PKNOX1: variants seen among roughly 807,000 people sequenced by gnomAD.
The protein encoded by PKNOX1 is PBX/knotted 1 homeobox 1.
PKNOX1 carries 15 observed loss-of-function variants against 51.9 expected under a neutral mutation model. That is an observed-to-expected ratio of 0.29 (90% CI 0.19 to 0.45). The LOEUF is 0.45. Among genes scored for constraint, PKNOX1 ranks in the 20% least tolerant of loss-of-function variants. The pLI, the probability that PKNOX1 is intolerant of heterozygous loss-of-function variation, is 1.00. For synonymous variants in PKNOX1, 219 were observed against 211.1 expected, an observed-to-expected ratio of 1.04 and a Z score of -0.32; for missense variants, 462 against 547.5, an observed-to-expected ratio of 0.84 and a Z score of 1.56.
rs1979767518 is a variant in PKNOX1 at position 43,021,797 on chromosome 21, T to C, written c.849+366T>C. On this transcript the variant is annotated intron_variant, in intron 8 of 10. Transcript: ENST00000291547. This position sits in a 1 kb window ranked among gnomAD's most constrained non-coding sequence, Gnocchi z 4.6. ...TGTTGGATTAACAAGGAAGCTGAGA[T>C]GGGTTAGAGACATCGCAGGGCCGGG... Among the ~76,000 whole-genome samples the C allele has an allele frequency of 6.6e-6, 1 of 152,146 alleles. No homozygotes were observed. The highest frequency in any genetic ancestry group is 2.1e-4 in the South Asian group (1 of 4,818).
At chr21:42,983,741 A>T (rs1476127477) in intron 1 of PKNOX1, among the ~76,000 whole-genome samples, 1 of 152,136 alleles carries the variant, frequency 6.6e-6, no homozygotes, top group African/African-American at 2.4e-5. Flanking sequence ...ACTGTTTTAT[A>T]TTCCTTTTAA....
chr21:42,980,483 G>A (rs1037313300), intron 1 of PKNOX1, among the ~76,000 whole-genome samples: 3 of 152,200 alleles, frequency 2.0e-5, no homozygotes, highest in Non-Finnish European at 4.4e-5. Context: ...ATTGTTAAAA[G>A]TGTCTGAAAC....
intron 1 of PKNOX1, among the ~76,000 whole-genome samples, chr21:43,002,049 G>A (rs1388037986): frequency 6.6e-6 from 1 of 152,100 alleles, no homozygotes; most frequent in African/African-American, 2.4e-5. Flanking sequence ...GTAGGCACAG[G>A]GTCTTGCTAT....
chr21:43,023,943 A>G (rs1339270875), intron 8 of PKNOX1, among the ~76,000 whole-genome samples: 1 of 146,866 alleles, frequency 6.8e-6, no homozygotes, highest in African/African-American at 2.5e-5. Flanking sequence ...CCAGATGGCC[A>G]GGCTGGTCTC....
At chr21:42,994,821 C>T (rs1208971598) in intron 1 of PKNOX1, among the ~76,000 whole-genome samples, 1 of 151,946 alleles carries the variant, frequency 6.6e-6, no homozygotes, top group Admixed American at 6.6e-5. Context: ...CACATCTCCT[C>T]AAATTTCCTT....
At chr21:43,011,026 T>G (rs1979225321) in intron 4 of PKNOX1, among the ~76,000 whole-genome samples, 1 of 151,118 alleles carries the variant, frequency 6.6e-6, no homozygotes, top group Non-Finnish European at 1.5e-5. Context: ...ATCATGGACA[T>G]GGACACAGAC....
At chr21:42,989,775 A>C (rs1367052732) in intron 1 of PKNOX1, among the ~76,000 whole-genome samples, 2 of 152,180 alleles carry the variant, frequency 1.3e-5, no homozygotes, top group Non-Finnish European at 2.9e-5. Context: ...CATTAGATAG[A>C]GGGATATTAA....
intron 9 of PKNOX1, among the ~76,000 whole-genome samples, chr21:43,026,501 G>A (rs1039819259): frequency 3.9e-5 from 6 of 152,198 alleles, no homozygotes; most frequent in African/African-American, 1.4e-4. Flanking sequence ...GCTCACACCT[G>A]TAATCCCAGC....
intron 1 of PKNOX1, among the ~76,000 whole-genome samples, chr21:42,974,983 G>T (rs538678117): frequency 6.8e-6 from 1 of 147,090 alleles, no homozygotes; most frequent in Non-Finnish European, 1.5e-5. Context: ...CCGCCGCCGC[G>T]CTGGGCCTGA....
chr21:42,984,064 ACGTGTGTG>A, intron 1 of PKNOX1, among the ~76,000 whole-genome samples: 1 of 123,900 alleles, frequency 8.1e-6, no homozygotes, highest in Non-Finnish European at 1.7e-5. Flanking sequence ...TTACATGCAT[ACGTGTGTG>A]CGTGTGTGTG....
At chr21:42,987,264 C>A (rs747634277) in intron 1 of PKNOX1, among the ~76,000 whole-genome samples, 65 of 150,528 alleles carry the variant, frequency 4.3e-4, no homozygotes, top group Middle Eastern at 6.9e-3. Flanking sequence ...TGCCTGTAAT[C>A]CCAGCTACTC....
chr21:43,008,608 T>G (rs1979104576), intron 3 of PKNOX1, among the ~76,000 whole-genome samples: 1 of 152,014 alleles, frequency 6.6e-6, no homozygotes, highest in East Asian at 1.9e-4. Flanking sequence ...CGAAACCCTG[T>G]CTCTACCAAA....
intron 3 of PKNOX1, among the ~76,000 whole-genome samples, chr21:43,009,180 G>A (rs1979130099): frequency 6.6e-6 from 1 of 152,212 alleles, no homozygotes; most frequent in Non-Finnish European, 1.5e-5. Flanking sequence ...AGGCATGGTG[G>A]CTCACGCCTG....
At chr21:43,007,418 A>T in intron 2 of PKNOX1, 73 bp from the exon 3 acceptor site, 1 of 1,450,530 alleles carries the variant, frequency 6.9e-7, no homozygotes, top group Non-Finnish European at 9.7e-7. Context: ...CTCCAACTGC[A>T]TTCCTGTTGG....
chr21:43,023,629 A>ATT (rs11414878), intron 8 of PKNOX1, among the ~76,000 whole-genome samples: 105 of 148,052 alleles, frequency 7.1e-4, no homozygotes, highest in South Asian at 5.5e-3. Context: ...TTCTGATTGG[A>ATT]TTTTTTTTTT....
chr21:42,999,220 T>C (rs573200947), intron 1 of PKNOX1, among the ~76,000 whole-genome samples: 1 of 152,364 alleles, frequency 6.6e-6, no homozygotes, highest in East Asian at 1.9e-4. Context: ...CATTGGCCCT[T>C]TTCAGCCACG....
Position 43,030,227 on chromosome 21 carries a change from A to G in PKNOX1, c.*126A>G, listed in dbSNP as rs1016745852. On this transcript the variant is annotated 3_prime_UTR_variant, in exon 11 of 11. Coordinates refer to ENST00000291547, the MANE Select transcript of PKNOX1 (RefSeq NM_004571.5). ...CTTTTGTATTTCATAGTAAGCTTAAAGCGCGTCTTTGCCGGTGCAGCGACT... is the reference window on the plus strand; with the variant it reads ...CTTTTGTATTTCATAGTAAGCTTAAGGCGCGTCTTTGCCGGTGCAGCGACT... 4 of 757,406 alleles carry G rather than the reference A, an allele frequency of 5.3e-6. No homozygotes were observed. The highest frequency in any genetic ancestry group is 2.2e-5 in the South Asian group (1 of 46,488). 46.9% of individuals were successfully genotyped at this position (757,406 alleles called of 1,614,324 possible). A position where few individuals can be genotyped will look rare whatever the true frequency, so the allele number is the denominator to read the frequency against.
chr21:42,984,194 C>G (rs2059040442), intron 1 of PKNOX1, among the ~76,000 whole-genome samples: 1 of 152,042 alleles, frequency 6.6e-6, no homozygotes, highest in Non-Finnish European at 1.5e-5. Flanking sequence ...CCTGCCTCAG[C>G]CTCCCAAGGA....
intron 9 of PKNOX1, among the ~76,000 whole-genome samples, 166 bp downstream of exon 9, chr21:43,025,113 C>G (rs894242223): frequency 5.3e-5 from 8 of 152,164 alleles, no homozygotes; most frequent in African/African-American, 1.4e-4. Context: ...TCTCGAACTC[C>G]TGGCCTCAAG....
Sources: gnomAD v4.1 joint callset for allele counts (sites outside exome capture counted in the v4.1 genomes callset) on GRCh38, gnomAD v4.1.1 for gene constraint, Gnocchi (gnomAD v3.1) non-coding constraint, MANE v1.5 for transcripts, NCBI Gene and HGNC (gene_info 2026-07-23, HGNC 2026-07-21) for gene names.